Variants in SLC26A8 observed in about 807,000 individuals in gnomAD.
SLC26A8 encodes solute carrier family 26 member 8.
SLC26A8 carries 70 observed loss-of-function variants against 105.0 expected under a neutral mutation model. That is an observed-to-expected ratio of 0.67 (90% CI 0.55 to 0.81). The LOEUF is 0.81. Among genes scored for constraint, SLC26A8 ranks in the 40% least tolerant of loss-of-function variants. The probability of loss-of-function intolerance (pLI) is 0.00; values close to 1 mark genes in which losing one functional copy is unlikely to be tolerated. For missense variants in SLC26A8, 998 were observed against 1,181.8 expected (o/e 0.84, Z 2.28); for synonymous variants, 415 against 438.3 (o/e 0.95, Z 0.66).
chr6:35,975,409 G>A lies in SLC26A8; in HGVS notation c.1253C>T (p.Thr418Ile). Residue 418 changes from threonine to isoleucine, a missense_variant, in exon 10 of 20, where the codon ACT becomes ATT. Transcript: ENST00000490799. ...TCCTCCAGATTTATCCTGGATAATAGTCCTAGCAATAGCACCAGTAAACAC... is the reference window on the plus strand; with the variant it reads ...TCCTCCAGATTTATCCTGGATAATAATCCTAGCAATAGCACCAGTAAACAC... ...SCVFTGAIARTIIQDKSGGRQ... is the reference protein window; with the variant it reads ...SCVFTGAIARIIIQDKSGGRQ... The A allele has an allele frequency of 6.2e-7, 1 of 1,612,664 alleles. No individual in the cohort carries two copies. Among genetic ancestry groups the A allele is most frequent in the Non-Finnish European group, 8.5e-7 (1 of 1,179,096 alleles).
At chr6:36,023,091 G>A (rs1396608016) in intron 1 of SLC26A8, among the ~76,000 whole-genome samples, 1 of 151,682 alleles carries the variant, frequency 6.6e-6, no homozygotes, top group Non-Finnish European at 1.5e-5. Context: ...GAGCCTTTCA[G>A]TGCTAAATTT....
At chr6:35,960,513 A>G (rs7775452) in intron 14 of SLC26A8, 7,164 of 251,884 alleles carry the variant, frequency 0.028, 448 homozygotes, top group African/African-American at 0.14. Context: ...AAAATTAGCC[A>G]GGTATGATGG....
chr6:35,951,152 G>A lies in SLC26A8; in HGVS notation c.2472+11C>T. 5.0e-6 allele frequency: 8 copies of A among 1,610,620 alleles called. No individual in the cohort carries two copies. The highest frequency in any genetic ancestry group is 1.7e-5 in the Admixed American group (1 of 59,846). On this transcript the variant is annotated intron_variant, in intron 19 of 19. Coordinates refer to ENST00000490799, the MANE Select transcript of SLC26A8 (RefSeq NM_052961.4). Reference sequence around the variant, plus strand: ...CTTCCCCCAACCTCATGCTTTGTCGGTTTGTCTGACCTTGTCTGTTTCTGA... The same window carrying A: ...CTTCCCCCAACCTCATGCTTTGTCGATTTGTCTGACCTTGTCTGTTTCTGA...
intron 11 of SLC26A8, 73 bp downstream of exon 11, chr6:35,968,804 C>A (rs890205104): frequency 5.9e-6 from 4 of 682,122 alleles, no homozygotes; most frequent in Non-Finnish European, 8.5e-6. Flanking sequence ...CCTTACCCCC[C>A]GCACACACAC....
intron 8 of SLC26A8, among the ~76,000 whole-genome samples, chr6:35,978,811 TCTTCTTCTTCTTCTTTC>T (rs1349663223): frequency 2.8e-5 from 4 of 141,834 alleles, no homozygotes; most frequent in South Asian, 4.2e-4. Context: ...TCCAACTATG[TCTTCTTCTTCTTCTTTC>T]CTTCTTCTTC....
At chr6:35,987,583 G>T (rs1773575115) in intron 7 of SLC26A8, among the ~76,000 whole-genome samples, 2 of 152,134 alleles carry the variant, frequency 1.3e-5, no homozygotes, top group South Asian at 4.1e-4. Flanking sequence ...CATTTAGCCA[G>T]GATGGTCTCA....
chr6:35,968,607 GTGTATATATATATA>G (rs1320679976), intron 11 of SLC26A8, among the ~76,000 whole-genome samples: 78 of 47,036 alleles, frequency 1.7e-3, no homozygotes, highest in Non-Finnish European at 1.9e-3. Flanking sequence ...GTGTGTGTGT[GTGTATATATATATA>G]TATATATATA....
At chr6:36,023,526 G>A (rs531862682) in intron 1 of SLC26A8, among the ~76,000 whole-genome samples, 200 of 128,732 alleles carry the variant, frequency 1.6e-3, no homozygotes, top group African/African-American at 5.0e-3. Flanking sequence ...CAGCCTGGGC[G>A]ACAGAGCAAG....
rs775584283 is a variant in SLC26A8, at chr6:35,997,906, C to T, written c.459G>A (p.Leu153=). ...GAACGTTGATCAGCAGAGCACTCAC[C>T]AGGAAGAAGGAACCTGTGGAAGAAG... The part of the protein sequence containing the change: ...CHQMSIGSFF[L]VSALLINVLK... Residue 153 remains leucine (L), a synonymous_variant, in exon 5 of 20, where the codon CTG becomes CTA. Coordinates refer to ENST00000490799, the MANE Select transcript of SLC26A8 (RefSeq NM_052961.4). 1 of 1,613,884 alleles carries T rather than the reference C, an allele frequency of 6.2e-7. No homozygotes were observed. The highest frequency in any genetic ancestry group is 1.1e-5 in the South Asian group (1 of 91,052).
At chr6:35,958,924 A>G (rs968268625) in intron 16 of SLC26A8, among the ~76,000 whole-genome samples, 5 of 152,060 alleles carry the variant, frequency 3.3e-5, no homozygotes, top group African/African-American at 1.2e-4. Context: ...AATAACCTCC[A>G]AATGCTGTAA....
chr6:35,959,284 T>G (rs142316148), intron 16 of SLC26A8, among the ~76,000 whole-genome samples, 176 bp downstream of exon 16: 2 of 152,128 alleles, frequency 1.3e-5, no homozygotes, highest in African/African-American at 4.8e-5. Flanking sequence ...TGTGCCTTTT[T>G]TTTTTCAGTC....
intron 7 of SLC26A8, among the ~76,000 whole-genome samples, chr6:35,988,071 C>T (rs1454594663): frequency 1.1e-4 from 16 of 151,908 alleles, no homozygotes; most frequent in Non-Finnish European, 2.1e-4. Flanking sequence ...CCACCATGCC[C>T]GGCTAATTTT....
At chr6:35,993,989 C>T (rs1344618334) in intron 5 of SLC26A8, among the ~76,000 whole-genome samples, 1 of 152,168 alleles carries the variant, frequency 6.6e-6, no homozygotes, top group Non-Finnish European at 1.5e-5. Context: ...CATCACTTCA[C>T]TCTCCACTCC....
chr6:35,969,995 G>A (rs1352318281), intron 10 of SLC26A8, among the ~76,000 whole-genome samples: 1 of 152,070 alleles, frequency 6.6e-6, no homozygotes, highest in Non-Finnish European at 1.5e-5. Flanking sequence ...AATGGTCTCT[G>A]GATAGTCTTG....
intron 9 of SLC26A8, among the ~76,000 whole-genome samples, chr6:35,975,967 T>C (rs570707535): frequency 1.3e-5 from 2 of 151,946 alleles, no homozygotes; most frequent in East Asian, 1.9e-4. Flanking sequence ...TCTGATTTTC[T>C]TGACTAAACC....
chr6:36,020,426 A>G (rs851032), intron 1 of SLC26A8, among the ~76,000 whole-genome samples: 99,539 of 152,036 alleles, frequency 0.65, 33,130 homozygotes, highest in Middle Eastern at 0.74. Flanking sequence ...AGACTAGACT[A>G]GGCAACATGG....
rs746772285 is a variant in SLC26A8, at chr6:36,000,011, C to T, written c.426G>A (p.Ser142=). The change falls in exon 4 of 20, where the codon TCG becomes TCA. Residue 142 remains serine (S), a synonymous_variant. Transcript: ENST00000490799. ...CSSVIYVIFG[S]CHQMSIGSFF... is the part of the protein sequence containing the mutation. ...ACTCACCAATGGACATTTGATGACACGATCCAAAAATTACATAGATTACCG... is the reference window on the plus strand; with the variant it reads ...ACTCACCAATGGACATTTGATGACATGATCCAAAAATTACATAGATTACCG... 2.0e-5 allele frequency: 32 copies of T among 1,613,198 alleles called. No individual in the cohort carries two copies. Among genetic ancestry groups the T allele is most frequent in the Non-Finnish European group, 2.4e-5 (28 of 1,179,386 alleles).
intron 10 of SLC26A8, among the ~76,000 whole-genome samples, chr6:35,971,135 C>T (rs1019510069): frequency 1.4e-4 from 22 of 152,162 alleles, no homozygotes; most frequent in Admixed American, 1.4e-3. Flanking sequence ...TGGAGGCCTG[C>T]CAATAATTGT....
chr6:36,019,864 T>C, intron 1 of SLC26A8, among the ~76,000 whole-genome samples, 155 bp from the exon 2 acceptor site: 1 of 152,270 alleles, frequency 6.6e-6, no homozygotes, highest in East Asian at 1.9e-4. Context: ...TGTATAATTT[T>C]ATGTGTATTC....
Sources: gnomAD v4.1 joint callset for allele counts (sites outside exome capture counted in the v4.1 genomes callset) on GRCh38, gnomAD v4.1.1 for gene constraint, MANE v1.5 for transcripts, NCBI Gene and HGNC (gene_info 2026-07-23, HGNC 2026-07-21) for gene names.